LTB: variants seen among roughly 807,000 people sequenced by gnomAD.
LTB encodes the protein lymphotoxin-beta.
In LTB, 17 loss-of-function variants were observed where a neutral mutation model predicts 14.7. The ratio of observed to expected loss-of-function variants is 1.16; its 90% CI spans 0.79 to 1.73. The LOEUF (loss-of-function observed/expected upper bound fraction) is 1.73, where lower values mean the gene tolerates loss of function less well. Among genes scored for constraint, LTB ranks in the 40% most tolerant of loss-of-function variants. LTB has a pLI of 0.00. For missense variants in LTB, 288 were observed against 324.3 expected (o/e 0.89, Z 0.86); for synonymous variants, 163 against 157.3 (o/e 1.04, Z -0.27).
In LTB at chr6:31,581,612, T is replaced by A. The variant is rs1445308895; in HGVS notation, c.227A>T (p.Glu76Val). The A allele has an allele frequency of 6.2e-7, 1 of 1,612,800 alleles. No individual in the cohort carries two copies. Among genetic ancestry groups the A allele is most frequent in the East Asian group, 2.2e-5 (1 of 44,884 alleles). Residue 76 changes from glutamate to valine, a missense_variant, in exon 3 of 4, where the codon GAG becomes GTG. By Grantham distance (121) the Glu-to-Val change is moderately radical. Around this residue, in one of 2 missense-constraint regions of LTB, gnomAD observed 284 missense variants for 299.2 expected, o/e 0.95. Coordinates refer to ENST00000429299, the MANE Select transcript of LTB (RefSeq NM_002341.2). ...QQGLGFQKLP[E>V]EEPETDLSPG... Reference sequence around the variant, plus strand: ...GCTGAGATCTGTTTCTGGCTCCTCCTCTGGCAGCTTCTGAAACCCTGGAAG... The same window carrying A: ...GCTGAGATCTGTTTCTGGCTCCTCCACTGGCAGCTTCTGAAACCCTGGAAG...
intron 3 of LTB, 152 bp downstream of exon 3, chr6:31,581,407 G>T: frequency 1.2e-6 from 1 of 820,698 alleles, no homozygotes. Flanking sequence ...ACTACACTGC[G>T]GGGACGAGCG....
intron 1 of LTB, 138 bp from the exon 2 acceptor site, chr6:31,581,997 G>T: frequency 1.1e-6 from 1 of 912,322 alleles, no homozygotes; most frequent in Non-Finnish European, 1.7e-6. Context: ...TTAGAAGGGA[G>T]AACAAGCAAG....
chr6:31,581,860 C>G lies in LTB; in HGVS notation c.163-1G>C, dbSNP rs538858213. ...CCCCGGGGTCGGCCGTCTCCGTTACCTGGTTGGGTGGGGTCACAGTGCCCA... is the reference window on the plus strand; with the variant it reads ...CCCCGGGGTCGGCCGTCTCCGTTACGTGGTTGGGTGGGGTCACAGTGCCCA... On this transcript the variant is annotated splice_acceptor_variant, in intron 1 of 3. Transcript: ENST00000429299. LOFTEE classifies it high-confidence loss of function. 5 of 1,590,508 alleles carry G rather than the reference C, an allele frequency of 3.1e-6. No individual in the cohort carries two copies. Among genetic ancestry groups the G allele is most frequent in the East Asian group, 2.2e-5 (1 of 44,772 alleles).
In LTB at chr6:31,580,681, C is replaced by A. The variant is rs1482018586; in HGVS notation, c.*28G>T. 1 of 1,567,310 alleles carries A rather than the reference C, an allele frequency of 6.4e-7. No individual in the cohort carries two copies. The highest frequency in any genetic ancestry group is 1.8e-5 in the Admixed American group (1 of 56,906). ...TGGGCGTCCGGGCCCCCAATATTCA[C>A]GCACTCGCACCACGCACTCATATTC... On this transcript the variant is annotated 3_prime_UTR_variant, in exon 4 of 4. Transcript: ENST00000429299. This position sits in a 1 kb window ranked among gnomAD's most constrained non-coding sequence, Gnocchi z 6.6.
chr6:31,581,740 T>C (rs1771534264), intron 2 of LTB, 74 bp downstream of exon 2: 2 of 1,602,260 alleles, frequency 1.2e-6, no homozygotes, highest in Middle Eastern at 1.7e-4. Flanking sequence ...GAGGAAGAGG[T>C]ATCTGGGGAC....
Position 31,581,248 on chromosome 6 carries a change from G to A in LTB, c.281-85C>T, listed in dbSNP as rs529088558. 32 of 1,327,188 alleles carry A rather than the reference G, an allele frequency of 2.4e-5. No individual in the cohort carries two copies. The African/African-American group carries it at 3.1e-4, about 13-fold the overall frequency. The allele number at this position is 1,327,188 out of a possible 1,614,324, so 82.2% of individuals were successfully genotyped here. The stretch of plus-strand genomic sequence containing the variant: ...GGGGAAGTGGCGGCTTTTAGCCCCT[G>A]CGGGAGCCGAGCCGGGCCGGGGGAG... On this transcript the variant is annotated intron_variant, in intron 3 of 3. Transcript: ENST00000429299.
chr6:31,581,285 C>G (rs1771492502), intron 3 of LTB, 122 bp from the exon 4 acceptor site: 4 of 927,660 alleles, frequency 4.3e-6, no homozygotes, highest in Non-Finnish European at 6.4e-6. Context: ...AGGGATGGTG[C>G]TGTTTCTGGG....
chr6:31,581,096 C>A lies in LTB; in HGVS notation c.348G>T (p.Gly116=), dbSNP rs751997573. The A allele has an allele frequency of 6.2e-7, 1 of 1,608,556 alleles. No individual in the cohort carries two copies. The highest frequency in any genetic ancestry group is 1.7e-5 in the Admixed American group (1 of 59,024). Residue 116 remains glycine (G), a synonymous_variant, in exon 4 of 4, where the codon GGG becomes GGT. Coordinates refer to ENST00000429299, the MANE Select transcript of LTB (RefSeq NM_002341.2). ...TTKEQAFLTS[G]TQFSDAEGLA... ...GCCCCTCGGCGTCCGAGAACTGCGT[C>A]CCGCTCGTCAGAAACGCCTGTTCCT...
Position 31,580,892 on chromosome 6 carries a change from C to T in LTB, c.552G>A (p.Thr184=). Residue 184 remains threonine, a synonymous_variant, in exon 4 of 4, where the codon ACG becomes ACA. Transcript: ENST00000429299. The surrounding 1 kb of genome is among the most constrained non-coding windows in gnomAD (Gnocchi z 6.6). ...TPELLLEGAE[T]VTPVLDPARR... Reference sequence around the variant, plus strand: ...TGGCCGGGTCCAGCACTGGAGTCACCGTCTCGGCGCCCTCGAGCAGCAGCT... The same window carrying T: ...TGGCCGGGTCCAGCACTGGAGTCACTGTCTCGGCGCCCTCGAGCAGCAGCT... 6.2e-7 allele frequency: 1 copy of T among 1,600,326 alleles called. No individual in the cohort carries two copies.
At chr6:31,582,082 A>T (rs2150395706) in intron 1 of LTB, 174 bp downstream of exon 1, 1 of 837,548 alleles carries the variant, frequency 1.2e-6, no homozygotes, top group South Asian at 1.7e-5. Context: ...ATGTCGGGAC[A>T]CAAGCACAAC....
At chr6:31,582,068 G>A (rs1489894238) in intron 1 of LTB, 188 bp downstream of exon 1, 16 of 779,272 alleles carry the variant, frequency 2.1e-5, no homozygotes, top group Admixed American at 2.7e-5. Context: ...GACACAAGGG[G>A]CTTATGTCGG....
Position 31,581,179 on chromosome 6 carries a change from C to A in LTB, c.281-16G>T. On this transcript the variant is annotated splice_polypyrimidine_tract_variant and intron_variant, in intron 3 of 3. Transcript: ENST00000429299. ...AGCGGAGCGCCTGCGGAGACACGGGCCGACGCGCTCTTGGGAATGCGATCC... is the reference window on the plus strand; with the variant it reads ...AGCGGAGCGCCTGCGGAGACACGGGACGACGCGCTCTTGGGAATGCGATCC... The A allele has an allele frequency of 6.6e-7, 1 of 1,516,912 alleles. No individual in the cohort carries two copies. The highest frequency in any genetic ancestry group is 1.3e-5 in the South Asian group (1 of 76,254). The allele number at this position is 1,516,912 out of a possible 1,614,324, so 94.0% of individuals were successfully genotyped here. A position where few individuals can be genotyped will look rare whatever the true frequency, so the allele number is the denominator to read the frequency against.
Position 31,581,813 on chromosome 6 carries a change from C to A in LTB, c.208+1G>T, listed in dbSNP as rs184485821. ...GGGAAGGAGAGACAGTCTGCTCTTA[C>A]CCAGTCCTTGCTGGGCCTGTGCCCC... On this transcript the variant is annotated splice_donor_variant, in intron 2 of 3. Transcript: ENST00000429299. LOFTEE classifies it high-confidence loss of function. 5 of 1,610,846 alleles carry A rather than the reference C, an allele frequency of 3.1e-6. No homozygotes were observed. Among genetic ancestry groups the A allele is most frequent in the East Asian group, 2.2e-5 (1 of 44,866 alleles).
At chr6:31,582,159 G>T (rs546580317) in intron 1 of LTB, 97 bp downstream of exon 1, 1 of 1,441,978 alleles carries the variant, frequency 6.9e-7, no homozygotes, top group Non-Finnish European at 9.6e-7. Context: ...AGCCGAGCCA[G>T]CTGAGCCAGA....
intron 1 of LTB, 141 bp from the exon 2 acceptor site, chr6:31,582,000 C>G (rs4647180): frequency 5.6e-6 from 5 of 898,262 alleles, no homozygotes; most frequent in Non-Finnish European, 6.9e-6. Flanking sequence ...GAAGGGAGAA[C>G]AAGCAAGGCA....
chr6:31,581,774 G>A, intron 2 of LTB, 40 bp downstream of exon 2: 1 of 1,611,936 alleles, frequency 6.2e-7, no homozygotes, highest in Non-Finnish European at 8.5e-7. Context: ...GGGAGCCCCT[G>A]AGGGTCTGAA....
At chr6:31,581,273 G>A (rs1484469075) in intron 3 of LTB, 110 bp from the exon 4 acceptor site, 1 of 1,015,380 alleles carries the variant, frequency 9.8e-7, no homozygotes, top group African/African-American at 1.6e-5. Context: ...GGCCGGGGGA[G>A]GAGGGATGGT....
intron 1 of LTB, 101 bp from the exon 2 acceptor site, chr6:31,581,960 C>A (rs542279471): frequency 2.5e-6 from 3 of 1,183,016 alleles, no homozygotes; most frequent in Non-Finnish European, 3.6e-6. Flanking sequence ...GTTTCTCCTA[C>A]CAGCACCATC....
At chr6:31,581,346 T>A (rs1450088119) in intron 3 of LTB, among the ~76,000 whole-genome samples, 183 bp from the exon 4 acceptor site, 2 of 151,982 alleles carry the variant, frequency 1.3e-5, no homozygotes, top group East Asian at 1.9e-4. Flanking sequence ...TGCAGAACGC[T>A]GTAGTGGGGA....
Sources: allele counts gnomAD v4.1 joint callset (sites outside exome capture counted in the v4.1 genomes callset), GRCh38; gene constraint gnomAD v4.1.1; regional missense constraint gnomAD v4.1.1; non-coding constraint Gnocchi (gnomAD v3.1); transcripts MANE v1.5; gene names NCBI Gene and HGNC (gene_info 2026-07-23, HGNC 2026-07-21).